Variants in CLSTN2 observed in about 807,000 individuals in gnomAD.
The protein encoded by CLSTN2 is calsyntenin 2.
In CLSTN2, 48 loss-of-function variants were observed where a neutral mutation model predicts 101.2. That is an observed-to-expected ratio of 0.47 (90% CI 0.38 to 0.60). The LOEUF (loss-of-function observed/expected upper bound fraction) is 0.60. CLSTN2 is among the 20% of genes least tolerant of loss of function. The probability of loss-of-function intolerance (pLI) is 0.00; values close to 1 mark genes in which losing one functional copy is unlikely to be tolerated. For synonymous variants in CLSTN2, 481 were observed against 463.6 expected (o/e 1.04, Z -0.48); for missense variants, 1,160 against 1,238.2 (o/e 0.94, Z 0.95).
In CLSTN2 at chr3:140,146,169, T is replaced by C. The variant is rs186463087; in HGVS notation, c.110-29782T>C. On this transcript the variant is annotated intron_variant, in intron 1 of 16. Coordinates refer to ENST00000458420, the MANE Select transcript of CLSTN2 (RefSeq NM_022131.3). The stretch of plus-strand genomic sequence containing the variant: ...TGTGTATGAAGGAGCACAGAATTCA[T>C]TACAGTAGTGAAAATAAATAAAACT... Among the ~76,000 whole-genome samples, 220 of 152,330 alleles carry C rather than the reference T, an allele frequency of 1.4e-3. 2 individuals carry two copies. Among genetic ancestry groups the C allele is most frequent in the Non-Finnish European group, 2.8e-4 (19 of 68,038 alleles).
In CLSTN2 at chr3:140,564,142, G is replaced by T; in HGVS notation, c.2664G>T (p.Met888Ile). 1 of 1,613,762 alleles carries T rather than the reference G, an allele frequency of 6.2e-7. No individual in the cohort carries two copies. Among genetic ancestry groups the T allele is most frequent in the South Asian group, 1.1e-5 (1 of 91,042 alleles). ...CGCTGACTATCACAGTCAACCCCAT[G>T]GAGGTGATCCTCATGCACGGCTGGG... ...DSALTITVNPMEKHEGPGHGE... is the reference protein window; with the variant it reads ...DSALTITVNPIEKHEGPGHGE... The change falls in exon 16 of 17, where the codon ATG (methionine) becomes ATT (isoleucine). Residue 888 changes from methionine (M) to isoleucine (I), a missense_variant. By Grantham distance (10) the Met-to-Ile change is conservative. Transcript: ENST00000458420.
intron 2 of CLSTN2, among the ~76,000 whole-genome samples, chr3:140,205,865 G>C (rs564132669): frequency 2.6e-5 from 4 of 152,230 alleles, no homozygotes; most frequent in Non-Finnish European, 5.9e-5. Flanking sequence ...GTCCCCACCG[G>C]TCAGTCCCTG....
chr3:140,446,150 C>T lies in CLSTN2; in HGVS notation c.788-2369C>T, dbSNP rs187296139. The stretch of plus-strand genomic sequence containing the variant: ...GCACTATGACTTTAGATACACCAGA[C>T]AAAAAGCCACCTTTTGCTCCAGTGG... On this transcript the variant is annotated intron_variant, in intron 5 of 16. Coordinates refer to ENST00000458420, the MANE Select transcript of CLSTN2 (RefSeq NM_022131.3). 1.2e-3 allele frequency among the ~76,000 whole-genome samples: 176 copies of T among 152,284 alleles called. 1 individual carries two copies. Among genetic ancestry groups the T allele is most frequent in the Middle Eastern group, 3.4e-3 (1 of 294 alleles).
At chr3:140,452,998 G>A (rs1051819937) in intron 6 of CLSTN2, among the ~76,000 whole-genome samples, 1 of 152,194 alleles carries the variant, frequency 6.6e-6, no homozygotes, top group Admixed American at 6.5e-5. Context: ...GAACTATTTT[G>A]AGTATGAGAT....
chr3:140,399,234 T>C (rs1232823257), intron 2 of CLSTN2, among the ~76,000 whole-genome samples: 1 of 152,240 alleles, frequency 6.6e-6, no homozygotes, highest in East Asian at 1.9e-4. Flanking sequence ...GGTCTGATCT[T>C]TTACTTTTAA....
intron 1 of CLSTN2, among the ~76,000 whole-genome samples, chr3:140,097,932 TCCTGC>T (rs2008898664): frequency 6.6e-6 from 1 of 152,180 alleles, no homozygotes; most frequent in Non-Finnish European, 1.5e-5. Flanking sequence ...AAAGTTTATT[TCCTGC>T]TATTCGTCCC....
chr3:140,270,068 T>C (rs1392227494), intron 2 of CLSTN2, among the ~76,000 whole-genome samples: 1 of 152,186 alleles, frequency 6.6e-6, no homozygotes, highest in Non-Finnish European at 1.5e-5. Flanking sequence ...AAAGCCAATA[T>C]ATGTAGTACA....
Position 140,263,247 on chromosome 3 carries a change from G to C in CLSTN2, c.232+87174G>C, listed in dbSNP as rs542138428. On this transcript the variant is annotated intron_variant, in intron 2 of 16. Coordinates refer to ENST00000458420, the MANE Select transcript of CLSTN2 (RefSeq NM_022131.3). ...CAGAAACAACTGTGGAAATATTTGG[G>C]AGAATGGGAACTTGGTTCATGTTAG... 6.6e-5 allele frequency among the ~76,000 whole-genome samples: 10 copies of C among 152,296 alleles called. No individual in the cohort carries two copies. In the South Asian group the frequency reaches 2.1e-3, roughly 32 times the overall value.
chr3:140,125,335 G>C (rs985812666), intron 1 of CLSTN2, among the ~76,000 whole-genome samples: 7 of 152,242 alleles, frequency 4.6e-5, no homozygotes, highest in Admixed American at 3.9e-4. Flanking sequence ...AGAGAGGGCA[G>C]TTACAGGAGC....
At chr3:140,352,559 G>C (rs1275451672) in intron 2 of CLSTN2, among the ~76,000 whole-genome samples, 1 of 152,196 alleles carries the variant, frequency 6.6e-6, no homozygotes, top group Admixed American at 6.5e-5. Flanking sequence ...CAGTAGAGCT[G>C]CTTGGGTTAG....
intron 2 of CLSTN2, among the ~76,000 whole-genome samples, chr3:140,350,075 TA>T (rs2087589114): frequency 6.6e-6 from 1 of 152,236 alleles, no homozygotes; most frequent in African/African-American, 2.4e-5. Context: ...AACCTCTTTT[TA>T]CTACACGCAC....
chr3:140,004,072 G>T (rs950119451), intron 1 of CLSTN2, among the ~76,000 whole-genome samples: 3 of 152,106 alleles, frequency 2.0e-5, no homozygotes, highest in Non-Finnish European at 4.4e-5. Context: ...CTATTAGGCA[G>T]ATAGAATGAG....
In CLSTN2 at chr3:140,291,161, A is replaced by G. The variant is rs142756272; in HGVS notation, c.233-112468A>G. On this transcript the variant is annotated intron_variant, in intron 2 of 16. Coordinates refer to ENST00000458420, the MANE Select transcript of CLSTN2 (RefSeq NM_022131.3). ...CCCATGTGGTTATTAAAAAGTAGAC[A>G]TGGATCCATGAATTCATGTAAAACA... Among the ~76,000 whole-genome samples the G allele has an allele frequency of 8.1e-3, 1,231 of 152,262 alleles. 9 individuals carry two copies. The highest frequency in any genetic ancestry group is 0.044 in the Middle Eastern group (13 of 294).
intron 2 of CLSTN2, among the ~76,000 whole-genome samples, chr3:140,392,920 C>T (rs1440203060): frequency 1.3e-5 from 2 of 151,758 alleles, no homozygotes; most frequent in South Asian, 2.1e-4. Flanking sequence ...CCCTTCTTGC[C>T]GGTGGGGACT....
chr3:140,456,303 G>A (rs1933396694), intron 6 of CLSTN2, among the ~76,000 whole-genome samples: 3 of 152,166 alleles, frequency 2.0e-5, no homozygotes, highest in Admixed American at 2.0e-4. Flanking sequence ...CTGGTGATGG[G>A]TCCACTCACT....
intron 1 of CLSTN2, among the ~76,000 whole-genome samples, chr3:140,058,996 T>C (rs1341445641): frequency 6.6e-6 from 1 of 151,858 alleles, no homozygotes; most frequent in African/African-American, 2.4e-5. Flanking sequence ...GTGAAAAAGT[T>C]TGGCACCCAA....
At chr3:140,159,196 G>A (rs1480521093) in intron 1 of CLSTN2, among the ~76,000 whole-genome samples, 1 of 152,078 alleles carries the variant, frequency 6.6e-6, no homozygotes, top group Non-Finnish European at 1.5e-5. Flanking sequence ...TAATTAAGGA[G>A]CTTCTGCACA....
chr3:140,301,903 T>A (rs1443221329), intron 2 of CLSTN2, among the ~76,000 whole-genome samples: 2 of 121,002 alleles, frequency 1.7e-5, no homozygotes, highest in Non-Finnish European at 3.8e-5. Flanking sequence ...CATTATAGTA[T>A]TTTTTTTTTT....
intron 1 of CLSTN2, among the ~76,000 whole-genome samples, chr3:140,069,477 G>C (rs139154553): frequency 6.6e-6 from 1 of 152,216 alleles, no homozygotes; most frequent in African/African-American, 2.4e-5. Context: ...TTCATGGGCA[G>C]TGATGGAGGC....
Sources: allele counts gnomAD v4.1 joint callset (sites outside exome capture counted in the v4.1 genomes callset), GRCh38; gene constraint gnomAD v4.1.1; transcripts MANE v1.5; gene names NCBI Gene and HGNC (gene_info 2026-07-23, HGNC 2026-07-21).